Variants in KIF16B observed in about 807,000 individuals in gnomAD.
KIF16B encodes kinesin family member 16B.
A neutral mutation model predicts 156.3 loss-of-function variants in KIF16B; 98 were observed. That is an observed-to-expected ratio of 0.63 (90% confidence interval 0.53 to 0.74). KIF16B has a LOEUF of 0.74. Ranked by LOEUF, KIF16B falls within the 30% of genes least tolerant of loss-of-function variation. The pLI is 0.00. For missense variants in KIF16B, 1,421 were observed against 1,606.5 expected, an observed-to-expected ratio of 0.88 and a Z score of 1.97; for synonymous variants, 564 against 583.7, an observed-to-expected ratio of 0.97 and a Z score of 0.49.
intron 25 of KIF16B, among the ~76,000 whole-genome samples, chr20:16,285,147 T>C (rs912309219): frequency 2.0e-5 from 3 of 152,204 alleles, no homozygotes; most frequent in Non-Finnish European, 4.4e-5. Flanking sequence ...TACTTTAAAA[T>C]TAAATAGCAA....
chr20:16,410,933 C>CA (rs1254333702), intron 15 of KIF16B, among the ~76,000 whole-genome samples: 1 of 151,706 alleles, frequency 6.6e-6, no homozygotes, highest in African/African-American at 2.4e-5. Context: ...TGTCTGCAGT[C>CA]AGTGTCTTTC....
intron 22 of KIF16B, among the ~76,000 whole-genome samples, chr20:16,358,175 C>T (rs144054314): frequency 1.2e-3 from 189 of 152,012 alleles, no homozygotes; most frequent in African/African-American, 4.2e-3. Flanking sequence ...GGCGACAGAG[C>T]GAGACTCCAT....
In KIF16B at chr20:16,573,437, G is replaced by C; in HGVS notation, c.-162C>G. 1 of 735,684 alleles carries C rather than the reference G, an allele frequency of 1.4e-6. No homozygotes were observed. The highest frequency in any genetic ancestry group is 2.2e-6 in the Non-Finnish European group (1 of 451,158). 45.6% of individuals were successfully genotyped at this position (735,684 alleles called of 1,614,324 possible). On this transcript the variant is annotated 5_prime_UTR_variant, in exon 1 of 26. Transcript: ENST00000354981. ...GTTCCGCGGCAGCCCCACCTGCCAG[G>C]CCACTGAGCATGCCCAGAACGGCTC...
intron 25 of KIF16B, among the ~76,000 whole-genome samples, chr20:16,306,972 C>G (rs917291868): frequency 1.3e-5 from 2 of 152,136 alleles, no homozygotes; most frequent in African/African-American, 4.8e-5. Flanking sequence ...AATCAGTACT[C>G]AAAACTAGGA....
At chr20:16,551,237 TCTC>T (rs1302745590) in intron 1 of KIF16B, among the ~76,000 whole-genome samples, 1 of 151,558 alleles carries the variant, frequency 6.6e-6, no homozygotes, top group Admixed American at 6.6e-5. Context: ...TTCAAGCAAT[TCTC>T]CTGCCTCAGC....
chr20:16,521,461 G>A (rs927545064), intron 3 of KIF16B, among the ~76,000 whole-genome samples: 6 of 151,874 alleles, frequency 4.0e-5, no homozygotes, highest in African/African-American at 1.2e-4. Flanking sequence ...ATGAAGACAA[G>A]ATTGGAGAAA....
At chr20:16,320,289 ATATAGTGTC>A (rs1240520173) in intron 24 of KIF16B, among the ~76,000 whole-genome samples, 1 of 152,200 alleles carries the variant, frequency 6.6e-6, no homozygotes, top group Non-Finnish European at 1.5e-5. Flanking sequence ...TTTACCCAAT[ATATAGTGTC>A]TAGCTTTCAA....
chr20:16,535,625 T>G (rs1600649349), intron 1 of KIF16B, among the ~76,000 whole-genome samples: 1 of 152,012 alleles, frequency 6.6e-6, no homozygotes, highest in South Asian at 2.1e-4. Flanking sequence ...TAGCAGTGGG[T>G]TTGTCATATA....
chr20:16,299,635 T>C (rs946494056), intron 25 of KIF16B, among the ~76,000 whole-genome samples: 1 of 152,232 alleles, frequency 6.6e-6, no homozygotes, highest in Non-Finnish European at 1.5e-5. Context: ...AAGAGAACTT[T>C]GGCTATGTCC....
At chr20:16,343,630 A>G (rs1042954340) in intron 23 of KIF16B, among the ~76,000 whole-genome samples, 1 of 152,272 alleles carries the variant, frequency 6.6e-6, no homozygotes, top group African/African-American at 2.4e-5. Flanking sequence ...AGGCAGTGAC[A>G]TAACTATGAA....
chr20:16,329,315 C>A (rs942534047), intron 24 of KIF16B, among the ~76,000 whole-genome samples: 1 of 152,082 alleles, frequency 6.6e-6, no homozygotes, highest in African/African-American at 2.4e-5. Flanking sequence ...TTCATGAACA[C>A]CAGACAGAAA....
chr20:16,378,781 C>T (rs776165898), intron 19 of KIF16B, 24 bp downstream of exon 19: 1 of 1,566,144 alleles, frequency 6.4e-7, no homozygotes, highest in African/African-American at 1.4e-5. Context: ...CACTGTATGC[C>T]ACACCCTTCC....
At chr20:16,291,417 G>A (rs1176044991) in intron 25 of KIF16B, among the ~76,000 whole-genome samples, 2 of 152,318 alleles carry the variant, frequency 1.3e-5, no homozygotes, top group Admixed American at 1.3e-4. Context: ...GGACACATGT[G>A]TCTGGCTGTG....
chr20:16,547,066 C>T lies in KIF16B; in HGVS notation c.48-18626G>A, dbSNP rs148454606. On this transcript the variant is annotated intron_variant, in intron 1 of 25. Coordinates refer to ENST00000354981, the MANE Select transcript of KIF16B (RefSeq NM_024704.5). ...TCCTGGGATTACAGGTGTGAGCCAC[C>T]GCACCCAGCTTTCACTTATTTTTAA... Among the ~76,000 whole-genome samples the T allele has an allele frequency of 1.5e-3, 232 of 152,282 alleles. 1 individual carries two copies. Among genetic ancestry groups the T allele is most frequent in the African/African-American group, 5.3e-3 (219 of 41,566 alleles).
At chr20:16,312,541 T>C (rs1393220484) in intron 24 of KIF16B, 123 bp from the exon 25 acceptor site, 4 of 740,802 alleles carry the variant, frequency 5.4e-6, no homozygotes, top group East Asian at 2.7e-5. Context: ...AGTTTAAAGA[T>C]GGTGGGTCCT....
At chr20:16,335,735 G>C (rs2064024066) in intron 24 of KIF16B, among the ~76,000 whole-genome samples, 191 bp downstream of exon 24, 1 of 152,084 alleles carries the variant, frequency 6.6e-6, no homozygotes, top group Non-Finnish European at 1.5e-5. Context: ...GTGTAGAACA[G>C]AAATGGAACA....
chr20:16,452,569 C>T (rs892083365), intron 12 of KIF16B, among the ~76,000 whole-genome samples: 3 of 152,100 alleles, frequency 2.0e-5, no homozygotes, highest in African/African-American at 2.4e-5. Context: ...GGAGCAGTGG[C>T]TCACGCCTGT....
At chr20:16,431,432 G>C (rs6043938) in intron 12 of KIF16B, among the ~76,000 whole-genome samples, 43,078 of 151,986 alleles carry the variant, frequency 0.28, 7,024 homozygotes, top group East Asian at 0.68. Flanking sequence ...TCCAGGGATA[G>C]AGGCAACTTG....
intron 1 of KIF16B, among the ~76,000 whole-genome samples, chr20:16,532,207 T>C (rs144213722): frequency 1.1e-4 from 16 of 151,996 alleles, no homozygotes; most frequent in African/African-American, 3.6e-4. Flanking sequence ...TAGAGATACA[T>C]ATTGAAATAT....
Sources: gnomAD v4.1 joint callset for allele counts (sites outside exome capture counted in the v4.1 genomes callset) on GRCh38, gnomAD v4.1.1 for gene constraint, MANE v1.5 for transcripts, NCBI Gene and HGNC (gene_info 2026-07-23, HGNC 2026-07-21) for gene names.